Variants in LPA observed in about 807,000 individuals in gnomAD.
LPA encodes the protein apolipoprotein(a).
In LPA, 199 loss-of-function variants were observed where a neutral mutation model predicts 197.9. The observed-to-expected ratio is 1.01, with a 90% CI of 0.90 to 1.13. The LOEUF is 1.13. LPA is among the 50% of genes most tolerant of loss of function. The pLI, the probability that LPA is intolerant of heterozygous loss-of-function variation, is 0.00. For missense variants in LPA, 1,853 were observed against 1,785.8 expected, an observed-to-expected ratio of 1.04 and a Z score of -0.68; for synonymous variants, 715 against 639.5, an observed-to-expected ratio of 1.12 and a Z score of -1.78.
At chr6:160,576,334 GTGTGTGTATATATATATA>G (rs1272853560) in intron 28 of LPA, among the ~76,000 whole-genome samples, 7 of 69,864 alleles carry the variant, frequency 1.0e-4, no homozygotes, top group African/African-American at 4.0e-4. Context: ...GTGTGTGTGT[GTGTGTGTATATATATATA>G]TATATATATA....
intron 2 of LPA, among the ~76,000 whole-genome samples, chr6:160,647,136 C>A (rs1317116335): frequency 6.6e-6 from 1 of 152,172 alleles, no homozygotes; most frequent in African/African-American, 2.4e-5. Flanking sequence ...TCAGTCTATC[C>A]TCTGCTGTCC....
In LPA at chr6:160,599,598, T is replaced by C. The variant is rs1353025887; in HGVS notation, c.3189A>G (p.Arg1063=). ...DCYYHYGQSY[R]GTYSTTVTGR... is the part of the protein sequence containing the mutation. Reference sequence around the variant, plus strand: ...CTGTGACAGTGGTGGAGTATGTGCCTCGGTAACTCTGTCCATAATGGTAGT... The same window carrying C: ...CTGTGACAGTGGTGGAGTATGTGCCCCGGTAACTCTGTCCATAATGGTAGT... Residue 1063 remains arginine (R), a synonymous_variant, in exon 20 of 39, where the codon CGA becomes CGG. Coordinates refer to ENST00000316300, the MANE Select transcript of LPA (RefSeq NM_005577.4). 2 of 1,614,126 alleles carry C rather than the reference T, an allele frequency of 1.2e-6. No individual in the cohort carries two copies. The highest frequency in any genetic ancestry group is 4.5e-5 in the East Asian group (2 of 44,880).
In LPA at chr6:160,612,937, T is replaced by TAAAAA. The variant is rs1779545725; in HGVS notation, c.2437_2438insTTTTT (p.Glu813ValfsTer43). 2 of 262,640 alleles carry TAAAAA rather than the reference T, an allele frequency of 7.6e-6. No individual in the cohort carries two copies. Among genetic ancestry groups the TAAAAA allele is most frequent in the East Asian group, 4.8e-5 (1 of 20,772 alleles). 16.3% of individuals were successfully genotyped at this position (262,640 alleles called of 1,614,324 possible). On this transcript the variant is annotated frameshift_variant, in exon 15 of 39. Transcript: ENST00000316300. LOFTEE classifies it high-confidence loss of function. ...TCTGGCCACAGACTCCTTACCTTGT[T>TAAAAA]CGGAAGGAGCCTCTAGGCTTGGAAC...
intron 28 of LPA, among the ~76,000 whole-genome samples, chr6:160,563,550 T>G (rs2115017452): frequency 6.6e-6 from 1 of 152,338 alleles, no homozygotes; most frequent in Middle Eastern, 3.4e-3. Flanking sequence ...TCTGTTGATT[T>G]GTGGTGTCGA....
chr6:160,650,560 A>G, intron 1 of LPA, 63 bp from the exon 2 acceptor site: 1 of 1,513,842 alleles, frequency 6.6e-7, no homozygotes, highest in Non-Finnish European at 9.2e-7. Context: ...ATGTGAAGTC[A>G]TTTATGACAC....
At chr6:160,589,823 T>C in intron 23 of LPA, 111 bp from the exon 24 acceptor site, 2 of 1,263,310 alleles carry the variant, frequency 1.6e-6, no homozygotes, top group Non-Finnish European at 2.3e-6. Flanking sequence ...ACGACCATGC[T>C]CTGTTCTACA....
At chr6:160,568,889 C>T (rs921236485) in intron 28 of LPA, among the ~76,000 whole-genome samples, 1 of 152,136 alleles carries the variant, frequency 6.6e-6, no homozygotes, top group African/African-American at 2.4e-5. Flanking sequence ...ACAATTGCTT[C>T]AAAGAGAATA....
intron 28 of LPA, among the ~76,000 whole-genome samples, chr6:160,564,041 A>C (rs1778407611): frequency 1.3e-5 from 2 of 152,182 alleles, no homozygotes; most frequent in African/African-American, 4.8e-5. Flanking sequence ...GTGTCTTTTA[A>C]TTGGGGCATT....
At chr6:160,610,786 T>G (rs774030162) in intron 16 of LPA, among the ~76,000 whole-genome samples, 1 of 152,076 alleles carries the variant, frequency 6.6e-6, no homozygotes, top group Admixed American at 6.5e-5. Context: ...GCAGGAAGGG[T>G]ATCCAGGAAG....
intron 28 of LPA, among the ~76,000 whole-genome samples, chr6:160,574,798 G>A (rs906366732): frequency 2.6e-5 from 4 of 152,078 alleles, no homozygotes; most frequent in African/African-American, 7.2e-5. Context: ...TCCTTCACAC[G>A]GTCTGTGGGT....
At chr6:160,589,464 G>A in intron 24 of LPA, 89 bp downstream of exon 24, 1 of 1,470,718 alleles carries the variant, frequency 6.8e-7, no homozygotes, top group Non-Finnish European at 9.5e-7. Flanking sequence ...AGAGAAATTG[G>A]GTCATAAGAA....
chr6:160,609,970 T>A (rs1305186654), intron 16 of LPA, among the ~76,000 whole-genome samples: 3 of 152,174 alleles, frequency 2.0e-5, no homozygotes, highest in African/African-American at 7.2e-5. Flanking sequence ...ATAATAGTTC[T>A]TTAATTTGAT....
chr6:160,548,531 A>C lies in LPA; in HGVS notation c.5102T>G (p.Val1701Gly). The change falls in exon 31 of 39, where the codon GTC becomes GGC. Residue 1701 changes from valine (V) to glycine (G), a missense_variant. Transcript: ENST00000316300. ...TRCSDTEGTV[V>G]APPTVIQVPS... The stretch of plus-strand genomic sequence containing the variant: ...AACCTGGATGACAGTCGGAGGAGCG[A>C]CCACAGTCCCTTCTGTGTCTGAGCA... 6.2e-7 allele frequency: 1 copy of C among 1,614,080 alleles called. No individual in the cohort carries two copies. Among genetic ancestry groups the C allele is most frequent in the Non-Finnish European group, 8.5e-7 (1 of 1,180,008 alleles).
chr6:160,587,087 C>T (rs758079985), intron 24 of LPA, among the ~76,000 whole-genome samples: 31 of 152,186 alleles, frequency 2.0e-4, no homozygotes, highest in Non-Finnish European at 3.1e-4. Context: ...CCTAAGCAAT[C>T]CATCCACATG....
chr6:160,647,935 A>G (rs1016542076), intron 2 of LPA, among the ~76,000 whole-genome samples: 3 of 152,182 alleles, frequency 2.0e-5, no homozygotes, highest in Non-Finnish European at 4.4e-5. Flanking sequence ...GGCTGCAGAA[A>G]GTTCCCTTCT....
At chr6:160,604,253 C>T (rs1250698735) in intron 18 of LPA, among the ~76,000 whole-genome samples, 1 of 152,170 alleles carries the variant, frequency 6.6e-6, no homozygotes, top group African/African-American at 2.4e-5. Context: ...GCTCCATCAC[C>T]TTGCTCTTCA....
At chr6:160,574,626 A>C (rs1276598794) in intron 28 of LPA, among the ~76,000 whole-genome samples, 1 of 152,152 alleles carries the variant, frequency 6.6e-6, no homozygotes, top group East Asian at 1.9e-4. Flanking sequence ...CTCTAAATTT[A>C]CTGAGGCCCA....
chr6:160,605,291 A>T (rs908803935), intron 17 of LPA, 86 bp from the exon 18 acceptor site: 138 of 1,496,916 alleles, frequency 9.2e-5, no homozygotes, highest in Non-Finnish European at 1.3e-4. Context: ...ACCAGAAAAA[A>T]GTCTCTGAGA....
intron 24 of LPA, among the ~76,000 whole-genome samples, chr6:160,587,360 T>C (rs1010508867): frequency 2.6e-5 from 4 of 152,210 alleles, no homozygotes; most frequent in Non-Finnish European, 4.4e-5. Flanking sequence ...GTTTGGACTA[T>C]TTCCTTCCAT....
Sources: allele counts gnomAD v4.1 joint callset (sites outside exome capture counted in the v4.1 genomes callset), GRCh38; gene constraint gnomAD v4.1.1; transcripts MANE v1.5; gene names NCBI Gene and HGNC (gene_info 2026-07-23, HGNC 2026-07-21).